BRINP3: variants seen among roughly 807,000 people sequenced by gnomAD.
BRINP3 encodes BMP/retinoic acid inducible neural specific 3.
Under a neutral mutation model 71.0 loss-of-function variants are expected in BRINP3, and 19 were observed. That is an observed-to-expected ratio of 0.27 (90% CI 0.19 to 0.39). BRINP3 has a LOEUF of 0.39. Among genes scored for constraint, BRINP3 ranks in the 10% least tolerant of loss-of-function variants. The pLI is 1.00. For synonymous variants in BRINP3, 380 were observed against 337.7 expected (o/e 1.13, Z -1.37); for missense variants, 959 against 940.8 (o/e 1.02, Z -0.25).
At chr1:190,222,532 G>A (rs1321170273) in intron 6 of BRINP3, among the ~76,000 whole-genome samples, 2 of 151,084 alleles carry the variant, frequency 1.3e-5, no homozygotes, top group Non-Finnish European at 3.0e-5. Flanking sequence ...ATTAATAGAA[G>A]AAATAATAAA....
At chr1:190,306,357 C>T (rs1028772074) in intron 2 of BRINP3, among the ~76,000 whole-genome samples, 2 of 151,498 alleles carry the variant, frequency 1.3e-5, no homozygotes, top group African/African-American at 4.9e-5. Flanking sequence ...TTTAAATAAG[C>T]GATTTTGGAG....
intron 7 of BRINP3, among the ~76,000 whole-genome samples, chr1:190,132,527 C>T (rs964536049): frequency 1.9e-4 from 29 of 152,054 alleles, no homozygotes; most frequent in African/African-American, 6.5e-4. Context: ...AGAGCATAAA[C>T]GTTAAATATT....
At chr1:190,469,378 A>G (rs1676977641) in intron 1 of BRINP3, among the ~76,000 whole-genome samples, 1 of 151,030 alleles carries the variant, frequency 6.6e-6, no homozygotes, top group African/African-American at 2.4e-5. Context: ...TTTAATTTTA[A>G]TATTTTCAAT....
intron 7 of BRINP3, among the ~76,000 whole-genome samples, chr1:190,105,187 C>T (rs1227525528): frequency 6.6e-6 from 1 of 151,992 alleles, no homozygotes; most frequent in Non-Finnish European, 1.5e-5. Context: ...TGTTGACACT[C>T]CTGACACACA....
At chr1:190,433,410 T>C (rs181666226) in intron 2 of BRINP3, among the ~76,000 whole-genome samples, 4 of 152,262 alleles carry the variant, frequency 2.6e-5, no homozygotes, top group African/African-American at 9.6e-5. Flanking sequence ...ATTAACACCC[T>C]CTAACATCAT....
intron 2 of BRINP3, among the ~76,000 whole-genome samples, chr1:190,301,131 A>C (rs1664653223): frequency 6.8e-6 from 1 of 147,118 alleles, no homozygotes; most frequent in Non-Finnish European, 1.5e-5. Context: ...ATGGCTTTAC[A>C]TACATATATA....
At chr1:190,184,519 G>T (rs1653331586) in intron 6 of BRINP3, among the ~76,000 whole-genome samples, 1 of 152,022 alleles carries the variant, frequency 6.6e-6, no homozygotes, top group Admixed American at 6.6e-5. Context: ...AATAAAATGT[G>T]GTCCAAATAA....
chr1:190,258,663 T>C (rs934038653), intron 4 of BRINP3, among the ~76,000 whole-genome samples: 2 of 152,112 alleles, frequency 1.3e-5, no homozygotes, highest in African/African-American at 4.8e-5. Context: ...TGCCAACAAA[T>C]TGTATAATTT....
chr1:190,211,910 G>A (rs1019855014), intron 6 of BRINP3, among the ~76,000 whole-genome samples: 10 of 152,004 alleles, frequency 6.6e-5, no homozygotes, highest in African/African-American at 1.7e-4. Flanking sequence ...TAATGGAAAC[G>A]GTGACCAATC....
intron 2 of BRINP3, among the ~76,000 whole-genome samples, chr1:190,402,764 T>C (rs1672012657): frequency 6.6e-6 from 1 of 152,168 alleles, no homozygotes; most frequent in South Asian, 2.1e-4. Flanking sequence ...ACAGGTCTCA[T>C]TCTGTCCCCC....
chr1:190,412,019 T>G (rs1418211898), intron 2 of BRINP3, among the ~76,000 whole-genome samples: 1 of 152,142 alleles, frequency 6.6e-6, no homozygotes. Context: ...CACTACTTAC[T>G]GTAACCTATG....
intron 4 of BRINP3, among the ~76,000 whole-genome samples, chr1:190,236,085 T>C (rs939414675): frequency 4.0e-5 from 6 of 151,896 alleles, no homozygotes; most frequent in African/African-American, 1.4e-4. Context: ...ATTAAGGCCA[T>C]CATGGAGATG....
At chr1:190,127,728 A>T (rs2102339873) in intron 7 of BRINP3, among the ~76,000 whole-genome samples, 1 of 151,980 alleles carries the variant, frequency 6.6e-6, no homozygotes, top group South Asian at 2.1e-4. Context: ...TTCCTGCCCT[A>T]GCAATTATGG....
chr1:190,196,886 T>C (rs1654531335), intron 6 of BRINP3, among the ~76,000 whole-genome samples: 1 of 151,108 alleles, frequency 6.6e-6, no homozygotes, highest in Admixed American at 6.6e-5. Flanking sequence ...ACCAACCAAA[T>C]AAGGGTAGAC....
chr1:190,209,765 T>G (rs535157795), intron 6 of BRINP3, among the ~76,000 whole-genome samples: 1 of 152,164 alleles, frequency 6.6e-6, no homozygotes, highest in Non-Finnish European at 1.5e-5. Flanking sequence ...AGTTCAGTCA[T>G]GCATCCAAAA....
chr1:190,357,365 T>C lies in BRINP3; in HGVS notation c.237-75615A>G, dbSNP rs1467457576. Among the ~76,000 whole-genome samples, 3 of 152,146 alleles carry C rather than the reference T, an allele frequency of 2.0e-5. No homozygotes were observed. In the Middle Eastern group the frequency reaches 0.01, roughly 518 times the overall value. On this transcript the variant is annotated intron_variant, in intron 2 of 7. Transcript: ENST00000367462. ...ACAATTTCCAGAGGAACTTCGATTA[T>C]AGTATTGCTTCACTACTAATTTCAT... is the stretch of plus-strand genomic sequence containing the variant.
rs1677573348 is a variant in BRINP3, at chr1:190,477,492, C to T, written c.-95G>A. ...CAAGAAGACTGTGAGAAAAATACAT[C>T]CAGGATTCAAATAGATATTCCATGA... On this transcript the variant is annotated 5_prime_UTR_variant, in exon 1 of 8. It introduces an in-frame stop codon into an upstream open reading frame of the 5' UTR. Coordinates refer to ENST00000367462, the MANE Select transcript of BRINP3 (RefSeq NM_199051.3). 1 of 152,092 alleles carries T rather than the reference C, an allele frequency of 6.6e-6. No individual in the cohort carries two copies. Among genetic ancestry groups the T allele is most frequent in the South Asian group, 2.1e-4 (1 of 4,822 alleles). 9.4% of individuals were successfully genotyped at this position (152,092 alleles called of 1,614,324 possible). A position where few individuals can be genotyped will look rare whatever the true frequency, so the allele number is the denominator to read the frequency against.
At chr1:190,101,681 G>T (rs911097985) in intron 7 of BRINP3, among the ~76,000 whole-genome samples, 1 of 151,956 alleles carries the variant, frequency 6.6e-6, no homozygotes, top group South Asian at 2.1e-4. Context: ...CTATCCAGAT[G>T]AAAATTATAT....
At chr1:190,177,575 T>A (rs1317760365) in intron 6 of BRINP3, among the ~76,000 whole-genome samples, 1 of 151,992 alleles carries the variant, frequency 6.6e-6, no homozygotes, top group African/African-American at 2.4e-5. Flanking sequence ...ACAAATAAGG[T>A]AAAATAGTTT....
Sources: allele counts gnomAD v4.1 joint callset (sites outside exome capture counted in the v4.1 genomes callset), GRCh38; gene constraint gnomAD v4.1.1; transcripts MANE v1.5; gene names NCBI Gene and HGNC (gene_info 2026-07-23, HGNC 2026-07-21).